Variants in PHLDB2 observed in about 807,000 individuals in gnomAD.
PHLDB2 encodes pleckstrin homology-like domain family B member 2.
Under a neutral mutation model 123.6 loss-of-function variants are expected in PHLDB2, and 71 were observed. The ratio of observed to expected loss-of-function variants is 0.57; its 90% confidence interval spans 0.47 to 0.70. The LOEUF (loss-of-function observed/expected upper bound fraction) is 0.70, where lower values mean the gene tolerates loss of function less well. PHLDB2 is among the 30% of genes least tolerant of loss of function. The probability of loss-of-function intolerance (pLI) is 0.00; values close to 1 mark genes in which losing one functional copy is unlikely to be tolerated. For synonymous variants in PHLDB2, 547 were observed against 541.6 expected (o/e 1.01, Z -0.14); for missense variants, 1,446 against 1,519.5 (o/e 0.95, Z 0.80).
intron 5 of PHLDB2, among the ~76,000 whole-genome samples, chr3:111,921,314 A>G (rs1162479118): frequency 6.6e-6 from 1 of 152,194 alleles, no homozygotes; most frequent in African/African-American, 2.4e-5. Context: ...CTTACTCAAC[A>G]TGTTCTCCAC....
chr3:111,767,310 C>T (rs1366645747), intron 1 of PHLDB2, among the ~76,000 whole-genome samples: 1 of 152,122 alleles, frequency 6.6e-6, no homozygotes, highest in Non-Finnish European at 1.5e-5. Flanking sequence ...AACTTTGGCT[C>T]CTCATAATCT....
At chr3:111,909,413 T>C (rs2067746938) in intron 2 of PHLDB2, among the ~76,000 whole-genome samples, 1 of 152,104 alleles carries the variant, frequency 6.6e-6, no homozygotes, top group Non-Finnish European at 1.5e-5. Flanking sequence ...CTGTGCAACA[T>C]AGCAAGATGC....
rs186593145 is a variant in PHLDB2 at position 111,913,605 on chromosome 3, A to C, written c.1622A>C (p.Asp541Ala). 1.2e-5 allele frequency: 19 copies of C among 1,614,134 alleles called. No homozygotes were observed. ...SFFTPRSTRN[D>A]ELLSDLTRTP... ...TTTACCCCCAGGAGCACCAGGAATGATGAACTACTCAGTGACCTCACCCGG... is the reference window on the plus strand; with the variant it reads ...TTTACCCCCAGGAGCACCAGGAATGCTGAACTACTCAGTGACCTCACCCGG... The change falls in exon 3 of 18, where the codon GAT (aspartate) becomes GCT (alanine). Residue 541 changes from aspartate (D) to alanine (A), a missense_variant. Coordinates refer to ENST00000431670, the MANE Select transcript of PHLDB2 (RefSeq NM_001134438.2).
Position 111,853,477 on chromosome 3 carries a change from T to C in PHLDB2, c.67+7542T>C, listed in dbSNP as rs188724554. Among the ~76,000 whole-genome samples, 8 of 152,324 alleles carry C rather than the reference T, an allele frequency of 5.3e-5. No individual in the cohort carries two copies. The East Asian group carries it at 1.5e-3, about 29-fold the overall frequency. On this transcript the variant is annotated intron_variant, in intron 2 of 17. Transcript: ENST00000393923. ...CAATGGTCAACATCATTATCAATAG[T>C]TCCAGAAAGGCAAACGTGGTTGGAA... is the stretch of plus-strand genomic sequence containing the variant.
intron 1 of PHLDB2, among the ~76,000 whole-genome samples, chr3:111,793,463 C>G (rs1390252058): frequency 6.6e-6 from 1 of 151,976 alleles, no homozygotes; most frequent in Non-Finnish European, 1.5e-5. Context: ...GGAGCCAAGG[C>G]CTGGAATTAG....
chr3:111,860,651 C>T (rs552070512), intron 1 of PHLDB2, among the ~76,000 whole-genome samples: 151 of 152,270 alleles, frequency 9.9e-4, no homozygotes, highest in Middle Eastern at 3.4e-3. Context: ...TTCGCGGTTC[C>T]TCACTTACCT....
chr3:111,782,340 C>G (rs1387312080), intron 1 of PHLDB2, among the ~76,000 whole-genome samples: 1 of 151,996 alleles, frequency 6.6e-6, no homozygotes, highest in African/African-American at 2.4e-5. Flanking sequence ...TTAAGCTAGT[C>G]TCATAGTTCA....
At chr3:111,831,930 G>A (rs1276096964) in intron 1 of PHLDB2, among the ~76,000 whole-genome samples, 1 of 152,128 alleles carries the variant, frequency 6.6e-6, no homozygotes, top group Non-Finnish European at 1.5e-5. Flanking sequence ...CTGGCCTTTA[G>A]GGTGAACAAG....
chr3:111,818,165 G>GGTGTGTGTGTGTGTGT (rs5851789), intron 1 of PHLDB2, among the ~76,000 whole-genome samples: 65 of 147,704 alleles, frequency 4.4e-4, no homozygotes, highest in Middle Eastern at 3.5e-3. Flanking sequence ...TTAAAAAACT[G>GGTGTGTGTGTGTGTGT]GTGTGTGTGT....
chr3:111,909,564 C>T (rs1012046368), intron 2 of PHLDB2, among the ~76,000 whole-genome samples: 1 of 152,116 alleles, frequency 6.6e-6, no homozygotes, highest in African/African-American at 2.4e-5. Context: ...CACCACTGTG[C>T]TCCAGCCTGG....
At chr3:111,887,397 T>C (rs560313746) in intron 2 of PHLDB2, among the ~76,000 whole-genome samples, 4 of 152,338 alleles carry the variant, frequency 2.6e-5, no homozygotes, top group South Asian at 4.1e-4. Context: ...GGTCTATTTG[T>C]TTGACTACAT....
At chr3:111,876,656 G>T (rs189012979) in intron 1 of PHLDB2, among the ~76,000 whole-genome samples, 45 of 152,102 alleles carry the variant, frequency 3.0e-4, no homozygotes, top group African/African-American at 1.1e-3. Context: ...GTGCCATGGT[G>T]GTTTGCTGCA....
chr3:111,751,844 TA>T (rs1258071216), intron 1 of PHLDB2, among the ~76,000 whole-genome samples: 1 of 151,878 alleles, frequency 6.6e-6, no homozygotes, highest in Non-Finnish European at 1.5e-5. Context: ...ATAATAATAA[TA>T]AAAATTTTTT....
chr3:111,948,769 T>A (rs2070494523), intron 9 of PHLDB2, among the ~76,000 whole-genome samples, 163 bp from the exon 10 acceptor site: 1 of 152,230 alleles, frequency 6.6e-6, no homozygotes, highest in African/African-American at 2.4e-5. Flanking sequence ...GCAATGTAAA[T>A]CCATTTTAAT....
chr3:111,783,074 A>G (rs1446806901), intron 1 of PHLDB2, among the ~76,000 whole-genome samples: 2 of 151,944 alleles, frequency 1.3e-5, no homozygotes, highest in Non-Finnish European at 2.9e-5. Context: ...CTAAAATTCC[A>G]TAGTTCTCTG....
intron 2 of PHLDB2, among the ~76,000 whole-genome samples, chr3:111,911,114 A>G (rs2067857599): frequency 6.6e-6 from 1 of 152,232 alleles, no homozygotes; most frequent in Admixed American, 6.5e-5. Context: ...AGAAAAAGAA[A>G]CTATTTTGGG....
chr3:111,844,385 T>C (rs573638630), intron 1 of PHLDB2, among the ~76,000 whole-genome samples: 6 of 152,320 alleles, frequency 3.9e-5, no homozygotes, highest in Admixed American at 3.9e-4. Flanking sequence ...ACCCCACATC[T>C]GTTCTACTTT....
At chr3:111,891,765 T>G (rs1340337410) in intron 2 of PHLDB2, among the ~76,000 whole-genome samples, 1 of 152,148 alleles carries the variant, frequency 6.6e-6, no homozygotes, top group Non-Finnish European at 1.5e-5. Flanking sequence ...CTTGTATTCA[T>G]CCTATTTGAC....
In PHLDB2 at chr3:111,976,008, A is replaced by G. The variant is rs2072468830; in HGVS notation, c.*1445A>G. 1 of 152,666 alleles carries G rather than the reference A, an allele frequency of 6.6e-6. No individual in the cohort carries two copies. Among genetic ancestry groups the G allele is most frequent in the East Asian group, 1.9e-4 (1 of 5,204 alleles). The allele number at this position is 152,666 out of a possible 1,614,324, so 9.5% of individuals were successfully genotyped here. ...TTTACTTGAACAGTGAAGGACAAAA[A>G]TCATGATTGTGGAAGATATTTTTAA... On this transcript the variant is annotated 3_prime_UTR_variant, in exon 18 of 18. Coordinates refer to ENST00000431670, the MANE Select transcript of PHLDB2 (RefSeq NM_001134438.2).
Sources: allele counts gnomAD v4.1 joint callset (sites outside exome capture counted in the v4.1 genomes callset), GRCh38; gene constraint gnomAD v4.1.1; transcripts MANE v1.5; gene names NCBI Gene and HGNC (gene_info 2026-07-23, HGNC 2026-07-21).